Variants in COL25A1 observed in about 807,000 individuals in gnomAD.
The protein encoded by COL25A1 is collagen type XXV alpha 1 chain, also known as collagen alpha-1(XXV) chain.
Under a neutral mutation model 128.4 loss-of-function variants are expected in COL25A1, and 103 were observed. That is an observed-to-expected ratio of 0.80 (90% CI 0.68 to 0.94). COL25A1 has a LOEUF of 0.94. Ranked by LOEUF, COL25A1 falls within the 40% of genes least tolerant of loss-of-function variation. The probability of loss-of-function intolerance (pLI) is 0.00; values close to 1 mark genes in which losing one functional copy is unlikely to be tolerated. For missense variants in COL25A1, 745 were observed against 840.0 expected, an observed-to-expected ratio of 0.89 and a Z score of 1.40; for synonymous variants, 279 against 277.2, an observed-to-expected ratio of 1.01 and a Z score of -0.06.
chr4:109,029,278 A>T (rs1402137952), intron 5 of COL25A1, among the ~76,000 whole-genome samples: 1 of 152,192 alleles, frequency 6.6e-6, no homozygotes, highest in African/African-American at 2.4e-5. Flanking sequence ...ATCTCATGCC[A>T]TCCCACTCCA....
chr4:108,914,279 C>T (rs1578750703), intron 13 of COL25A1, among the ~76,000 whole-genome samples: 1 of 152,150 alleles, frequency 6.6e-6, no homozygotes, highest in Non-Finnish European at 1.5e-5. Context: ...GGTACAGCTT[C>T]TGCTCTCATT....
intron 31 of COL25A1, among the ~76,000 whole-genome samples, chr4:108,837,455 CAT>C (rs113040450): frequency 7.9e-5 from 12 of 152,196 alleles, no homozygotes; most frequent in African/African-American, 2.9e-4. Flanking sequence ...AGAAGGCTGA[CAT>C]AAAGAAAATG....
chr4:109,042,768 TAACTC>T (rs954333908), intron 5 of COL25A1, among the ~76,000 whole-genome samples: 4 of 152,114 alleles, frequency 2.6e-5, no homozygotes, highest in African/African-American at 7.2e-5. Context: ...CTAGTTTTCT[TAACTC>T]AAGAGGCAAA....
At position 109,281,409 on chromosome 4, in the gene COL25A1, C is replaced by CAAA. The variant is rs59962160; in HGVS notation, c.367+19171_367+19173dup. 5.7e-3 allele frequency among the ~76,000 whole-genome samples: 578 copies of CAAA among 102,238 alleles called. 6 individuals carry two copies. Among genetic ancestry groups the CAAA allele is most frequent in the African/African-American group, 0.017 (525 of 30,270 alleles). 67.1% of individuals were successfully genotyped at this position (102,238 alleles called of 152,430 possible). A position where few individuals can be genotyped will look rare whatever the true frequency, so the allele number is the denominator to read the frequency against. On this transcript the variant is annotated intron_variant, in intron 3 of 37. Transcript: ENST00000399132. ...AATTCCGTTATTTTCCTTAAAATGG[C>CAAA]AAAAAAAAAAAAAAAAAATCTAAAT...
intron 3 of COL25A1, among the ~76,000 whole-genome samples, chr4:109,189,481 G>C (rs1775406010): frequency 7.0e-6 from 1 of 141,908 alleles, no homozygotes; most frequent in African/African-American, 2.7e-5. Context: ...CCAGGAGGCA[G>C]AGCATGTAGT....
intron 3 of COL25A1, among the ~76,000 whole-genome samples, chr4:109,112,537 T>G (rs532446926): frequency 1.4e-4 from 21 of 152,148 alleles, no homozygotes; most frequent in Non-Finnish European, 2.8e-4. Flanking sequence ...TGCCATGGCA[T>G]CTATTAAAAA....
rs1383072078 is a variant in COL25A1 at position 108,825,182 on chromosome 4, T to A, written c.1791+14A>T. Reference sequence around the variant, plus strand: ...TATTATAATAGGATGATGTTTATTGTACTTATTACTTACATCAAGACCAGG... The same window carrying A: ...TATTATAATAGGATGATGTTTATTGAACTTATTACTTACATCAAGACCAGG... On this transcript the variant is annotated intron_variant, in intron 34 of 37. Transcript: ENST00000399132. 7 of 1,598,228 alleles carry A rather than the reference T, an allele frequency of 4.4e-6. No homozygotes were observed. The highest frequency in any genetic ancestry group is 6.0e-6 in the Non-Finnish European group (7 of 1,165,962).
At chr4:108,939,966 C>T (rs1252110712) in intron 10 of COL25A1, among the ~76,000 whole-genome samples, 1 of 152,060 alleles carries the variant, frequency 6.6e-6, no homozygotes, top group Non-Finnish European at 1.5e-5. Flanking sequence ...ATATTTAAAC[C>T]ATACCCACTG....
At position 108,852,280 on chromosome 4, in the gene COL25A1, C is replaced by T; in HGVS notation, c.1345G>A (p.Gly449Ser). The T allele has an allele frequency of 6.3e-7, 1 of 1,585,766 alleles. No individual in the cohort carries two copies. Among genetic ancestry groups the T allele is most frequent in the Non-Finnish European group, 8.5e-7 (1 of 1,171,264 alleles). ...LQRITTLTVTGPPGPPGPQGL... is the reference protein window; with the variant it reads ...LQRITTLTVTSPPGPPGPQGL... ...TGAGGTCCAGGAGGTCCAGGGGGAC[C>T]CTAAATCAAGAAAAAGCACAGTTTT... is the stretch of plus-strand genomic sequence containing the variant. The change falls in exon 26 of 38, where the codon GGT becomes AGT. Residue 449 changes from glycine (G) to serine (S), a missense_variant and splice_region_variant. By Grantham distance (56) the Gly-to-Ser change is moderately conservative (BLOSUM62 0). This residue lies in a region of COL25A1 where 387 missense variants were observed against 441.9 expected (regional missense o/e 0.88). Transcript: ENST00000399132.
chr4:109,297,138 G>T (rs1285133079), intron 3 of COL25A1, among the ~76,000 whole-genome samples: 1 of 151,888 alleles, frequency 6.6e-6, no homozygotes, highest in Non-Finnish European at 1.5e-5. Flanking sequence ...TTATCATTTT[G>T]GGTTTCTTTA....
At chr4:109,284,335 G>A (rs1404720424) in intron 3 of COL25A1, among the ~76,000 whole-genome samples, 1 of 152,222 alleles carries the variant, frequency 6.6e-6, no homozygotes, top group African/African-American at 2.4e-5. Flanking sequence ...TGAGGCAGGA[G>A]AATTACTTGA....
At chr4:108,952,192 A>G (rs1238132497) in intron 8 of COL25A1, among the ~76,000 whole-genome samples, 4 of 152,192 alleles carry the variant, frequency 2.6e-5, no homozygotes, top group Non-Finnish European at 5.9e-5. Context: ...ATCTACTTTT[A>G]TGATTTCAGT....
chr4:108,824,117 C>T (rs1732091466), intron 35 of COL25A1, 57 bp downstream of exon 35: 4 of 1,613,892 alleles, frequency 2.5e-6, no homozygotes, highest in Non-Finnish European at 3.4e-6. Context: ...AGCTGAACAG[C>T]AAAGCAGACA....
At chr4:108,894,294 GA>G (rs1489515843) in intron 16 of COL25A1, among the ~76,000 whole-genome samples, 1 of 151,874 alleles carries the variant, frequency 6.6e-6, no homozygotes, top group African/African-American at 2.4e-5. Context: ...ACTTTAAAAA[GA>G]CATCTTTTAA....
chr4:109,093,319 C>T (rs1765091253), intron 3 of COL25A1, among the ~76,000 whole-genome samples: 2 of 151,996 alleles, frequency 1.3e-5, no homozygotes, highest in African/African-American at 4.8e-5. Context: ...TTAATCCTTC[C>T]TCTTAAAAAA....
At chr4:109,162,091 GAATTC>G (rs1198953641) in intron 3 of COL25A1, among the ~76,000 whole-genome samples, 1 of 152,138 alleles carries the variant, frequency 6.6e-6, no homozygotes, top group Non-Finnish European at 1.5e-5. Flanking sequence ...AGATAATATA[GAATTC>G]AATTCAAATT....
chr4:109,295,549 C>T (rs1467234950), intron 3 of COL25A1, among the ~76,000 whole-genome samples: 1 of 152,078 alleles, frequency 6.6e-6, no homozygotes. Context: ...TTACTTGATG[C>T]ACTCTTTCCA....
At chr4:108,932,285 A>G (rs1402673258) in intron 11 of COL25A1, among the ~76,000 whole-genome samples, 2 of 152,350 alleles carry the variant, frequency 1.3e-5, no homozygotes, top group East Asian at 3.9e-4. Context: ...AATGCAACAG[A>G]AACATTTTCA....
chr4:108,828,033 C>T (rs1470117865), intron 32 of COL25A1, among the ~76,000 whole-genome samples: 1 of 152,208 alleles, frequency 6.6e-6, no homozygotes, highest in Non-Finnish European at 1.5e-5. Flanking sequence ...AGCATCCTTA[C>T]AGCTTAGAAT....
Sources: allele counts gnomAD v4.1 joint callset (sites outside exome capture counted in the v4.1 genomes callset), GRCh38; gene constraint gnomAD v4.1.1; regional missense constraint gnomAD v4.1.1; transcripts MANE v1.5; gene names NCBI Gene and HGNC (gene_info 2026-07-23, HGNC 2026-07-21).